The following ATAD3C variants were observed in gnomAD, a reference collection of about 807,000 sequenced individuals.
The protein encoded by ATAD3C is ATPase family AAA domain-containing protein 3C.
In ATAD3C, 38 loss-of-function variants were observed where a neutral mutation model predicts 46.3. The observed-to-expected ratio is 0.82, with a 90% confidence interval of 0.63 to 1.08. The LOEUF (loss-of-function observed/expected upper bound fraction) is 1.08. ATAD3C is among the 50% of genes least tolerant of loss of function. ATAD3C has a pLI of 0.00. For synonymous variants in ATAD3C, 220 were observed against 236.4 expected, an observed-to-expected ratio of 0.93 and a Z score of 0.63; for missense variants, 563 against 572.7, an observed-to-expected ratio of 0.98 and a Z score of 0.17.
rs778801039 is a variant in ATAD3C, at chr1:1,459,172, C to T, written c.753C>T (p.Ser251=). ...FLRKRATEKI[S]EDLRATLNAF... is the part of the protein sequence containing the mutation. ...CCTTCTCTCTGCAGGAGAAGATAAG[C>T]GAGGACCTCAGGGCCACACTGAACG... is the stretch of plus-strand genomic sequence containing the variant. The change falls in exon 9 of 12, where the codon AGC becomes AGT. Residue 251 remains serine, a synonymous_variant. Transcript: ENST00000378785. This position sits in a 1 kb window ranked among gnomAD's most constrained non-coding sequence, Gnocchi z 4.9. The T allele has an allele frequency of 6.2e-7, 1 of 1,611,916 alleles. No individual in the cohort carries two copies. Among genetic ancestry groups the T allele is most frequent in the Non-Finnish European group, 8.5e-7 (1 of 1,179,206 alleles).
At position 1,457,194 on chromosome 1, in the gene ATAD3C, A is replaced by G. The variant is rs1638977512; in HGVS notation, c.741+14A>G. On this transcript the variant is annotated intron_variant, in intron 8 of 11. Transcript: ENST00000378785. ...AAGCGAGCCACTGTGAGTGTCACTAAGCCTCTGTCTGGCCACAGGAGGGTG... is the reference window on the plus strand; with the variant it reads ...AAGCGAGCCACTGTGAGTGTCACTAGGCCTCTGTCTGGCCACAGGAGGGTG... The G allele has an allele frequency of 1.9e-6, 3 of 1,613,386 alleles. 1 individual carries two copies. The highest frequency in any genetic ancestry group is 2.5e-6 in the Non-Finnish European group (3 of 1,179,570).
At chr1:1,453,762 C>T (rs1247375825) in intron 3 of ATAD3C, among the ~76,000 whole-genome samples, 1 of 151,870 alleles carries the variant, frequency 6.6e-6, no homozygotes, top group Non-Finnish European at 1.5e-5. Context: ...GCCTCAGCCT[C>T]CCAAGTAGCT....
chr1:1,453,842 T>C (rs929141483), intron 3 of ATAD3C, among the ~76,000 whole-genome samples: 1 of 151,748 alleles, frequency 6.6e-6, no homozygotes, highest in South Asian at 2.1e-4. Flanking sequence ...GGTTTCTCCA[T>C]GTGGGTTAGG....
In ATAD3C at chr1:1,455,215, TCA is replaced by T. The variant is rs1638934326; in HGVS notation, c.379-244_379-243del. ...CTGGGCGACAGAGTGAGACTCCGTC[TCA>T]AAAAAAAAAAAAAAAAAAAAAAAAA... On this transcript the variant is annotated intron_variant, in intron 4 of 11. Transcript: ENST00000378785. Among the ~76,000 whole-genome samples the T allele has an allele frequency of 2.5e-4, 7 of 27,608 alleles. No homozygotes were observed. In the South Asian group the frequency reaches 0.012, roughly 47 times the overall value. The allele number at this position is 27,608 out of a possible 152,430, so 18.1% of individuals were successfully genotyped here. A position where few individuals can be genotyped will look rare whatever the true frequency, so the allele number is the denominator to read the frequency against.
intron 1 of ATAD3C, among the ~76,000 whole-genome samples, chr1:1,451,699 G>A (rs1160151073): frequency 6.6e-6 from 1 of 152,078 alleles, no homozygotes; most frequent in Non-Finnish European, 1.5e-5. Context: ...CCTGTTGTGG[G>A]CATTGTAGCT....
intron 11 of ATAD3C, among the ~76,000 whole-genome samples, chr1:1,464,060 C>T (rs975691496): frequency 6.6e-6 from 1 of 151,010 alleles, no homozygotes; most frequent in African/African-American, 2.4e-5. Context: ...AAAAATTGGT[C>T]GGGCATGGTG....
chr1:1,457,300 A>G (rs1037261605), intron 8 of ATAD3C, 120 bp downstream of exon 8: 2 of 1,540,580 alleles, frequency 1.3e-6, no homozygotes, highest in African/African-American at 2.7e-5. Context: ...TGTGTGAAAA[A>G]CACAGCATTT....
chr1:1,451,434 C>T (rs1454473081), intron 1 of ATAD3C, among the ~76,000 whole-genome samples: 1 of 151,924 alleles, frequency 6.6e-6, no homozygotes, highest in East Asian at 1.9e-4. Context: ...GCAACCTCTG[C>T]CTCCTGGGTT....
At position 1,459,694 on chromosome 1, in the gene ATAD3C, G is replaced by A. The variant is rs1241042826; in HGVS notation, c.812+463G>A. 6.6e-6 allele frequency among the ~76,000 whole-genome samples: 1 copy of A among 151,938 alleles called. No homozygotes were observed. Among genetic ancestry groups the A allele is most frequent in the African/African-American group, 2.4e-5 (1 of 41,334 alleles). On this transcript the variant is annotated intron_variant, in intron 9 of 11. Coordinates refer to ENST00000378785, the MANE Select transcript of ATAD3C (RefSeq NM_001039211.3). This position sits in a 1 kb window ranked among gnomAD's most constrained non-coding sequence, Gnocchi z 4.9. ...TGGGACCTTGGTCCCCCGCCCGGAT[G>A]CTGGCCAAGGGTGCACCCTCCAGGC...
chr1:1,462,858 C>T lies in ATAD3C; in HGVS notation c.1089+150C>T. ...CAGATGTGACACGGGGCCCCTGCCC[C>T]AGTTGGGCCACTCCACGCAGCAGCG... On this transcript the variant is annotated intron_variant, in intron 11 of 11. Coordinates refer to ENST00000378785, the MANE Select transcript of ATAD3C (RefSeq NM_001039211.3). The surrounding 1 kb of genome is among the most constrained non-coding windows in gnomAD (Gnocchi z 4.5). 2 of 945,028 alleles carry T rather than the reference C, an allele frequency of 2.1e-6. No individual in the cohort carries two copies. Among genetic ancestry groups the T allele is most frequent in the South Asian group, 1.6e-5 (1 of 61,696 alleles). The allele number at this position is 945,028 out of a possible 1,614,324, so 58.5% of individuals were successfully genotyped here. A position where few individuals can be genotyped will look rare whatever the true frequency, so the allele number is the denominator to read the frequency against.
At chr1:1,455,306 C>G (rs1313644521) in intron 4 of ATAD3C, among the ~76,000 whole-genome samples, 154 bp from the exon 5 acceptor site, 1 of 151,636 alleles carries the variant, frequency 6.6e-6, no homozygotes, top group Admixed American at 6.6e-5. Flanking sequence ...AACAGACACC[C>G]AGTCTCCCGG....
At position 1,457,042 on chromosome 1, in the gene ATAD3C, C is replaced by G. The variant is rs577663112; in HGVS notation, c.690-87C>G. The G allele has an allele frequency of 4.4e-6, 7 of 1,578,504 alleles. No individual in the cohort carries two copies. In the East Asian group the frequency reaches 1.3e-4, roughly 30 times the overall value. On this transcript the variant is annotated intron_variant, in intron 7 of 11. Transcript: ENST00000378785. Reference sequence around the variant, plus strand: ...GCCTGACCCCGTGGGGATCTGCCTGCTTGGCCTGCTCCTGCCATGGCCGGA... The same window carrying G: ...GCCTGACCCCGTGGGGATCTGCCTGGTTGGCCTGCTCCTGCCATGGCCGGA...
At chr1:1,467,090 G>C (rs545423844) in intron 11 of ATAD3C, among the ~76,000 whole-genome samples, 1 of 152,140 alleles carries the variant, frequency 6.6e-6, no homozygotes, top group Admixed American at 6.5e-5. Context: ...TGAACATCAT[G>C]TGTCACTGTT....
chr1:1,461,007 T>C (rs1349878193), intron 10 of ATAD3C, 90 bp downstream of exon 10: 1 of 1,425,972 alleles, frequency 7.0e-7, no homozygotes, highest in African/African-American at 1.4e-5. Context: ...CAGCAGGCCC[T>C]GTCTCCAGGA....
rs778368075 is a variant in ATAD3C at position 1,455,952 on chromosome 1, C to T, written c.564+36C>T. ...CTAGCTGAACAGGTGGGCCAGGGGC[C>T]GCTGGGGTCTCACCTGCCTGCAGGT... On this transcript the variant is annotated intron_variant, in intron 6 of 11. Coordinates refer to ENST00000378785, the MANE Select transcript of ATAD3C (RefSeq NM_001039211.3). 8.1e-6 allele frequency: 13 copies of T among 1,611,146 alleles called. No individual in the cohort carries two copies. In the South Asian group the frequency reaches 8.8e-5, roughly 11 times the overall value.
Position 1,450,709 on chromosome 1 carries a change from C to T in ATAD3C, c.26C>T (p.Ala9Val), listed in dbSNP as rs149262155. The T allele has an allele frequency of 0.011, 17,849 of 1,613,158 alleles. 394 individuals are homozygous for T. The highest frequency in any genetic ancestry group is 0.032 in the South Asian group (2,912 of 90,990). The change falls in exon 1 of 12, where the codon GCG becomes GTG. Residue 9 changes from alanine to valine, a missense_variant. Ala to Val is a moderately conservative substitution (Grantham distance 64, BLOSUM62 0). Coordinates refer to ENST00000378785, the MANE Select transcript of ATAD3C (RefSeq NM_001039211.3). ...ATGTCAAAGGACGCCCTGAATCTGG[C>T]GCAGATGCAGGAGCAGACGCTGCAG... MSKDALNL[A>V]QMQEQTLQLE...
In ATAD3C at chr1:1,469,684, T is replaced by C. The variant is rs917200602; in HGVS notation, c.*1154T>C. The C allele has an allele frequency of 1.3e-5, 2 of 151,048 alleles. No individual in the cohort carries two copies. Among genetic ancestry groups the C allele is most frequent in the African/African-American group, 4.9e-5 (2 of 41,130 alleles). 9.4% of individuals were successfully genotyped at this position (151,048 alleles called of 1,614,324 possible). ...AGCCACCGTGCCTGGTCTGTTTTTT[T>C]TTTTTTTTTGGCAATAGAGTCTTGC... On this transcript the variant is annotated 3_prime_UTR_variant, in exon 12 of 12. Coordinates refer to ENST00000378785, the MANE Select transcript of ATAD3C (RefSeq NM_001039211.3).
chr1:1,462,410 C>T lies in ATAD3C; in HGVS notation c.981-190C>T, dbSNP rs959481789. ...TGCGGCCATCTCCAGGCCCCACAGCCGCCCCCTTCCTGCTCAGCCCAGGCC... is the reference window on the plus strand; with the variant it reads ...TGCGGCCATCTCCAGGCCCCACAGCTGCCCCCTTCCTGCTCAGCCCAGGCC... On this transcript the variant is annotated intron_variant, in intron 10 of 11. Transcript: ENST00000378785. This position sits in a 1 kb window ranked among gnomAD's most constrained non-coding sequence, Gnocchi z 4.5. 12 of 573,252 alleles carry T rather than the reference C, an allele frequency of 2.1e-5. No individual in the cohort carries two copies. The highest frequency in any genetic ancestry group is 3.4e-5 in the Non-Finnish European group (11 of 321,506). The allele number at this position is 573,252 out of a possible 1,614,324, so 35.5% of individuals were successfully genotyped here. A position where few individuals can be genotyped will look rare whatever the true frequency, so the allele number is the denominator to read the frequency against.
At chr1:1,454,908 G>A (rs1188042233) in intron 4 of ATAD3C, among the ~76,000 whole-genome samples, 3 of 151,866 alleles carry the variant, frequency 2.0e-5, no homozygotes, top group African/African-American at 2.4e-5. Context: ...CAGGTCACTC[G>A]GTGGGTGGTT....
Sources: allele counts gnomAD v4.1 joint callset (sites outside exome capture counted in the v4.1 genomes callset), GRCh38; gene constraint gnomAD v4.1.1; non-coding constraint Gnocchi (gnomAD v3.1); transcripts MANE v1.5; gene names NCBI Gene and HGNC (gene_info 2026-07-23, HGNC 2026-07-21).